The following MRPL1 variants were observed in gnomAD, a reference collection of about 807,000 sequenced individuals.
MRPL1 encodes mitochondrial ribosomal protein L1.
MRPL1 carries 28 observed loss-of-function variants against 38.0 expected under a neutral mutation model. The observed-to-expected ratio is 0.74, with a 90% CI of 0.55 to 1.01. MRPL1 has a LOEUF of 1.01. Among genes scored for constraint, MRPL1 ranks in the 50% least tolerant of loss-of-function variants. MRPL1 has a pLI of 0.00. For missense variants in MRPL1, 358 were observed against 389.8 expected, an observed-to-expected ratio of 0.92 and a Z score of 0.69; for synonymous variants, 123 against 126.7, an observed-to-expected ratio of 0.97 and a Z score of 0.20.
At chr4:77,933,521 A>T (rs1198990178) in intron 7 of MRPL1, among the ~76,000 whole-genome samples, 2 of 152,176 alleles carry the variant, frequency 1.3e-5, no homozygotes, top group Non-Finnish European at 2.9e-5. Context: ...TGGAGATGAA[A>T]TAAATGGAGA....
intron 7 of MRPL1, among the ~76,000 whole-genome samples, chr4:77,937,497 C>T (rs1737015346): frequency 6.6e-6 from 1 of 152,212 alleles, no homozygotes; most frequent in Admixed American, 6.5e-5. Context: ...AACCCAAATG[C>T]CTCTACTTCC....
intron 7 of MRPL1, among the ~76,000 whole-genome samples, chr4:77,930,547 C>T (rs956241813): frequency 2.0e-5 from 3 of 152,122 alleles, no homozygotes; most frequent in South Asian, 2.1e-4. Flanking sequence ...ATACTAGTGC[C>T]GGGGAGCCAC....
chr4:77,867,746 CTTTTTTTTT>C (rs71214374), intron 1 of MRPL1, among the ~76,000 whole-genome samples: 1,490 of 92,052 alleles, frequency 0.016, 41 homozygotes, highest in African/African-American at 0.057. Flanking sequence ...ATAGTTATTT[CTTTTTTTTT>C]TTTTTTTTTT....
intron 2 of MRPL1, among the ~76,000 whole-genome samples, chr4:77,873,973 C>G (rs1360492088): frequency 6.7e-6 from 1 of 149,784 alleles, no homozygotes; most frequent in Non-Finnish European, 1.5e-5. Flanking sequence ...TGGTAGTGTA[C>G]TATGTACCCT....
chr4:77,936,153 T>C (rs536059512), intron 7 of MRPL1, among the ~76,000 whole-genome samples: 1 of 148,342 alleles, frequency 6.7e-6, no homozygotes, highest in Admixed American at 6.7e-5. Context: ...ATTACTGCTC[T>C]TTCTGTATGG....
intron 1 of MRPL1, 94 bp downstream of exon 1, chr4:77,862,973 A>G (rs1049337011): frequency 6.7e-7 from 1 of 1,489,156 alleles, no homozygotes; most frequent in Non-Finnish European, 9.3e-7. Context: ...TGGGTGCTGA[A>G]AATGCCTCGT....
chr4:77,885,974 C>T (rs1455887372), intron 4 of MRPL1, among the ~76,000 whole-genome samples: 2 of 152,158 alleles, frequency 1.3e-5, no homozygotes, highest in Admixed American at 6.5e-5. Context: ...CCCCAGACAA[C>T]AAGATTATTT....
rs774004370 is a variant in MRPL1, at chr4:77,887,298, T to C, written c.558+7T>C. 9 of 1,608,868 alleles carry C rather than the reference T, an allele frequency of 5.6e-6. No homozygotes were observed. The East Asian group carries it at 1.8e-4, about 32-fold the overall frequency. The stretch of plus-strand genomic sequence containing the variant: ...CACTAGTCTGATACAGAAGGTACAG[T>C]GTTGTTTTCATGTTCATTAAGTATA... On this transcript the variant is annotated splice_region_variant and intron_variant, in intron 5 of 8. Transcript: ENST00000315567.
intron 1 of MRPL1, among the ~76,000 whole-genome samples, chr4:77,864,007 T>G (rs1323796053): frequency 2.0e-5 from 3 of 150,596 alleles, no homozygotes; most frequent in African/African-American, 5.0e-5. Context: ...ACAGTTTTTT[T>G]TTTTTTTTTT....
intron 5 of MRPL1, 105 bp from the exon 6 acceptor site, chr4:77,894,034 A>T: frequency 1.4e-6 from 1 of 692,440 alleles, no homozygotes; most frequent in Non-Finnish European, 2.5e-6. Context: ...AATTGTGCTT[A>T]ATGTCTGTTT....
intron 2 of MRPL1, among the ~76,000 whole-genome samples, chr4:77,878,960 A>G (rs972596279): frequency 2.6e-5 from 4 of 152,238 alleles, no homozygotes. Flanking sequence ...GACAGGGGAA[A>G]AGTTATTGCT....
intron 3 of MRPL1, among the ~76,000 whole-genome samples, chr4:77,884,851 A>G (rs1303893218): frequency 1.3e-5 from 2 of 152,240 alleles, no homozygotes; most frequent in African/African-American, 4.8e-5. Context: ...GAAGATAGCA[A>G]ACATTTATTA....
chr4:77,905,496 CAAAAAAA>C (rs374398968), intron 6 of MRPL1, among the ~76,000 whole-genome samples: 2 of 63,392 alleles, frequency 3.2e-5, no homozygotes, highest in African/African-American at 6.3e-5. Context: ...GACTCCGTCT[CAAAAAAA>C]AAAAAAAAAA....
chr4:77,865,409 C>G (rs535332960), intron 1 of MRPL1, among the ~76,000 whole-genome samples: 1 of 151,316 alleles, frequency 6.6e-6, no homozygotes, highest in South Asian at 2.1e-4. Context: ...AGGCCAAAAC[C>G]TCAGAATATC....
intron 6 of MRPL1, among the ~76,000 whole-genome samples, chr4:77,901,430 A>G (rs1031179794): frequency 2.0e-5 from 3 of 151,980 alleles, no homozygotes; most frequent in Non-Finnish European, 4.4e-5. Context: ...TGATAATTGG[A>G]AATGGACCAC....
chr4:77,912,522 C>T (rs1034451158), intron 7 of MRPL1, among the ~76,000 whole-genome samples: 3 of 151,846 alleles, frequency 2.0e-5, no homozygotes, highest in African/African-American at 2.4e-5. Context: ...ATCCATACAC[C>T]GAAAACTTTA....
intron 7 of MRPL1, among the ~76,000 whole-genome samples, chr4:77,932,449 A>C (rs138812965): frequency 0.014 from 2,142 of 152,240 alleles, 24 homozygotes; most frequent in Non-Finnish European, 0.022. Flanking sequence ...AGTAGGTTTG[A>C]GATAGCTTCA....
intron 7 of MRPL1, among the ~76,000 whole-genome samples, chr4:77,931,315 T>C (rs1358330054): frequency 6.6e-6 from 1 of 152,216 alleles, no homozygotes; most frequent in African/African-American, 2.4e-5. Context: ...AAAAAGCCCT[T>C]TACTATTGGT....
At position 77,904,276 on chromosome 4, in the gene MRPL1, G is replaced by A. The variant is rs72869558; in HGVS notation, c.671-4990G>A. Among the ~76,000 whole-genome samples, 1,493 of 151,918 alleles carry A rather than the reference G, an allele frequency of 9.8e-3. 25 individuals carry two copies. The highest frequency in any genetic ancestry group is 0.034 in the African/African-American group (1,413 of 41,468). On this transcript the variant is annotated intron_variant, in intron 6 of 8. Coordinates refer to ENST00000315567, the MANE Select transcript of MRPL1 (RefSeq NM_020236.4). ...AAAAAAAAGGAGAAAAAGTTTGTCC[G>A]GGCATGCTGGTTCATACCTGTAATC...
Sources: gnomAD v4.1 joint callset for allele counts (sites outside exome capture counted in the v4.1 genomes callset) on GRCh38, gnomAD v4.1.1 for gene constraint, MANE v1.5 for transcripts, NCBI Gene and HGNC (gene_info 2026-07-23, HGNC 2026-07-21) for gene names.